The following ESCO1 variants were observed in gnomAD, a reference collection of about 807,000 sequenced individuals.
ESCO1 encodes establishment of sister chromatid cohesion N-acetyltransferase 1, also known as N-acetyltransferase ESCO1.
A neutral mutation model predicts 83.5 loss-of-function variants in ESCO1; 33 were observed. That is an observed-to-expected ratio of 0.40 (90% CI 0.30 to 0.53). ESCO1 has a LOEUF of 0.53. ESCO1 is among the 20% of genes least tolerant of loss of function. The probability of loss-of-function intolerance (pLI) is 0.63; values close to 1 mark genes in which losing one functional copy is unlikely to be tolerated. For synonymous variants in ESCO1, 332 were observed against 324.3 expected (o/e 1.02, Z -0.25); for missense variants, 855 against 968.0 (o/e 0.88, Z 1.55).
intron 6 of ESCO1, among the ~76,000 whole-genome samples, chr18:21,565,703 G>A (rs868230771): frequency 6.6e-6 from 1 of 152,174 alleles, no homozygotes; most frequent in South Asian, 2.1e-4. Flanking sequence ...TTGAGAGGCC[G>A]AGGTGGGAGA....
At chr18:21,576,823 AG>A (rs1388288171) in intron 2 of ESCO1, among the ~76,000 whole-genome samples, 6 of 151,968 alleles carry the variant, frequency 3.9e-5, no homozygotes, top group African/African-American at 1.5e-4. Flanking sequence ...TCACGAAGTC[AG>A]GAGTTCAAGA....
chr18:21,537,507 C>A (rs929891044), intron 9 of ESCO1, among the ~76,000 whole-genome samples: 2 of 152,126 alleles, frequency 1.3e-5, no homozygotes, highest in African/African-American at 2.4e-5. Context: ...TGCACTCCAG[C>A]CTGGGTGACA....
In ESCO1 at chr18:21,540,029, T is replaced by A. The variant is rs1417934483; in HGVS notation, c.1954-20A>T. The stretch of plus-strand genomic sequence containing the variant: ...CCAGCCCTAGATATATATATATATA[T>A]ATACACACATATGTAAAGTATGAAT... On this transcript the variant is annotated intron_variant, in intron 8 of 11. Coordinates refer to ENST00000269214, the MANE Select transcript of ESCO1 (RefSeq NM_052911.3). The A allele has an allele frequency of 7.1e-7, 1 of 1,408,330 alleles. No individual in the cohort carries two copies. The highest frequency in any genetic ancestry group is 1.5e-5 in the African/African-American group (1 of 68,886). The allele number at this position is 1,408,330 out of a possible 1,614,324, so 87.2% of individuals were successfully genotyped here.
chr18:21,582,025 C>A (rs2038509565), intron 2 of ESCO1, among the ~76,000 whole-genome samples: 2 of 151,834 alleles, frequency 1.3e-5, no homozygotes, highest in Non-Finnish European at 2.9e-5. Context: ...GAGATCAAGG[C>A]TTCAGTGAGC....
chr18:21,554,408 C>T (rs976345809), intron 8 of ESCO1, among the ~76,000 whole-genome samples: 85 of 152,290 alleles, frequency 5.6e-4, no homozygotes, highest in African/African-American at 1.9e-3. Flanking sequence ...AATGGATAAA[C>T]TGTGAAACAT....
At chr18:21,599,209 C>T (rs947507297) in intron 1 of ESCO1, among the ~76,000 whole-genome samples, 1 of 152,044 alleles carries the variant, frequency 6.6e-6, no homozygotes, top group African/African-American at 2.4e-5. Flanking sequence ...TGGTAGCGGA[C>T]GCCTGTAGTC....
chr18:21,551,418 G>A (rs1006213097), intron 8 of ESCO1, among the ~76,000 whole-genome samples: 4 of 152,046 alleles, frequency 2.6e-5, no homozygotes, highest in East Asian at 1.9e-4. Context: ...GCAACAGAGC[G>A]AGACTCCGTC....
intron 1 of ESCO1, among the ~76,000 whole-genome samples, chr18:21,592,355 G>C (rs1332800432): frequency 3.8e-5 from 5 of 131,218 alleles, no homozygotes; most frequent in Non-Finnish European, 8.1e-5. Context: ...CCTCCCGGAC[G>C]AGGCGGCTGG....
intron 10 of ESCO1, among the ~76,000 whole-genome samples, chr18:21,532,999 TTCTC>T (rs950403915): frequency 6.6e-6 from 1 of 152,152 alleles, no homozygotes; most frequent in Non-Finnish European, 1.5e-5. Flanking sequence ...TGAACATTAG[TTCTC>T]TCTACCTCCC....
At chr18:21,598,773 C>T (rs1237017648) in intron 1 of ESCO1, among the ~76,000 whole-genome samples, 1 of 151,852 alleles carries the variant, frequency 6.6e-6, no homozygotes, top group African/African-American at 2.4e-5. Flanking sequence ...GAGACAATAG[C>T]ATATTTTCCT....
chr18:21,597,843 T>C (rs2038787743), intron 1 of ESCO1, among the ~76,000 whole-genome samples: 1 of 152,186 alleles, frequency 6.6e-6, no homozygotes, highest in Admixed American at 6.6e-5. Flanking sequence ...TGTAATGCAA[T>C]CAAGCATAAG....
intron 8 of ESCO1, among the ~76,000 whole-genome samples, chr18:21,556,611 G>A (rs1010541961): frequency 1.2e-4 from 18 of 152,190 alleles, no homozygotes; most frequent in African/African-American, 4.1e-4. Flanking sequence ...TGGATAGTAC[G>A]ACCGAAGAAC....
At chr18:21,562,467 C>CA (rs34722426) in intron 7 of ESCO1, among the ~76,000 whole-genome samples, 1 of 138,778 alleles carries the variant, frequency 7.2e-6, no homozygotes, top group East Asian at 2.1e-4. Context: ...CTCCGTCTTA[C>CA]AAAAAAAAAA....
At chr18:21,555,090 C>T (rs952850253) in intron 8 of ESCO1, among the ~76,000 whole-genome samples, 15 of 151,908 alleles carry the variant, frequency 9.9e-5, no homozygotes, top group Non-Finnish European at 1.3e-4. Flanking sequence ...AGCAAGACTT[C>T]GTCTCAAACT....
At chr18:21,559,232 G>A (rs753278782) in intron 8 of ESCO1, among the ~76,000 whole-genome samples, 6 of 152,140 alleles carry the variant, frequency 3.9e-5, no homozygotes, top group Non-Finnish European at 8.8e-5. Context: ...TCCTTCTCTT[G>A]AGCTTATTTC....
At chr18:21,557,494 A>C (rs1727992402) in intron 8 of ESCO1, among the ~76,000 whole-genome samples, 1 of 152,092 alleles carries the variant, frequency 6.6e-6, no homozygotes. Context: ...GATTTATTTA[A>C]ATATTTAATA....
chr18:21,568,902 CA>C (rs35472054), intron 4 of ESCO1, among the ~76,000 whole-genome samples: 20,249 of 101,558 alleles, frequency 0.2, 1,516 homozygotes, highest in Middle Eastern at 0.38. Flanking sequence ...GACTCCATCT[CA>C]AAAAAAAAAA....
Position 21,573,618 on chromosome 18 carries a change from G to A in ESCO1, c.1226C>T (p.Ser409Phe). ...FNSVQHNKLD[S>F]QVSPKLGLLR... ...TAAGCCTAATTTAGGGGAAACTTGA[G>A]AGTCCAACTTATTGTGCTGCACAGA... The change falls in exon 4 of 12, where the codon TCT becomes TTT. Residue 409 changes from serine to phenylalanine, a missense_variant. Physicochemically the swap from Ser to Phe is radical, Grantham distance 155 (BLOSUM62 -2). Transcript: ENST00000269214. 6.2e-7 allele frequency: 1 copy of A among 1,614,178 alleles called. No homozygotes were observed. The highest frequency in any genetic ancestry group is 8.5e-7 in the Non-Finnish European group (1 of 1,180,028).
At chr18:21,540,781 T>C in intron 8 of ESCO1, 1 of 1,115,858 alleles carries the variant, frequency 9.0e-7, no homozygotes, top group Non-Finnish European at 1.1e-6. Context: ...ACTAGGAGCT[T>C]TGAAGTTCAA....
Sources: allele counts gnomAD v4.1 joint callset (sites outside exome capture counted in the v4.1 genomes callset), GRCh38; gene constraint gnomAD v4.1.1; transcripts MANE v1.5; gene names NCBI Gene and HGNC (gene_info 2026-07-23, HGNC 2026-07-21).